CES5A: variants seen among roughly 807,000 people sequenced by gnomAD.
The protein encoded by CES5A is carboxylesterase 5.
In CES5A, 67 loss-of-function variants were observed where a neutral mutation model predicts 62.9. That is an observed-to-expected ratio of 1.07 (90% CI 0.88 to 1.31). The LOEUF (loss-of-function observed/expected upper bound fraction) is 1.31, where lower values mean the gene tolerates loss of function less well. CES5A is among the 50% of genes most tolerant of loss of function. The pLI is 0.00. For synonymous variants in CES5A, 296 were observed against 280.8 expected (o/e 1.05, Z -0.54); for missense variants, 748 against 708.5 (o/e 1.06, Z -0.63).
intron 1 of CES5A, among the ~76,000 whole-genome samples, chr16:55,890,533 G>A (rs1412008550): frequency 6.6e-6 from 1 of 151,774 alleles, no homozygotes; most frequent in Non-Finnish European, 1.5e-5. Flanking sequence ...AATGAGACCT[G>A]CATAACCTTG....
intron 1 of CES5A, among the ~76,000 whole-genome samples, chr16:55,950,371 A>AAT (rs1361983697): frequency 3.3e-5 from 5 of 152,240 alleles, no homozygotes; most frequent in Admixed American, 1.3e-4. Flanking sequence ...AATACTTTAT[A>AAT]AAAGTCTAAT....
Position 55,870,699 on chromosome 16 carries a change from A to G in CES5A, c.417+926T>C, listed in dbSNP as rs139772968. On this transcript the variant is annotated intron_variant, in intron 3 of 12. Coordinates refer to ENST00000290567, the MANE Select transcript of CES5A (RefSeq NM_001143685.2). ...GGCAACAGAGCAAGACTCTGTCCCA[A>G]AAAAAAGAGGGAAGAGTAAAATTTT... is the stretch of plus-strand genomic sequence containing the variant. Among the ~76,000 whole-genome samples the G allele has an allele frequency of 5.9e-3, 901 of 152,266 alleles. 10 individuals are homozygous for G. Among genetic ancestry groups the G allele is most frequent in the African/African-American group, 0.021 (854 of 41,552 alleles).
intron 3 of CES5A, among the ~76,000 whole-genome samples, chr16:55,871,407 A>T (rs2033581314): frequency 6.6e-6 from 1 of 152,252 alleles, no homozygotes; most frequent in East Asian, 1.9e-4. Context: ...AAAACAAAAT[A>T]AAAATTAAAA....
At chr16:55,862,906 A>G (rs1252140811) in intron 6 of CES5A, among the ~76,000 whole-genome samples, 2 of 152,220 alleles carry the variant, frequency 1.3e-5, no homozygotes, top group African/African-American at 4.8e-5. Flanking sequence ...ATATCGTGGG[A>G]TAGATGCCCC....
intron 2 of CES5A, among the ~76,000 whole-genome samples, chr16:55,933,649 C>T (rs2034336647): frequency 1.3e-5 from 2 of 152,164 alleles, no homozygotes; most frequent in South Asian, 4.2e-4. Context: ...TATGTATATA[C>T]ATATACATGA....
chr16:55,936,487 T>A (rs1001614719), intron 2 of CES5A, among the ~76,000 whole-genome samples: 1 of 152,206 alleles, frequency 6.6e-6, no homozygotes, highest in Admixed American at 6.5e-5. Context: ...GGGATCATCC[T>A]ATGGTGTATC....
At chr16:55,890,105 T>G (rs1278884038) in intron 1 of CES5A, among the ~76,000 whole-genome samples, 2 of 152,070 alleles carry the variant, frequency 1.3e-5, no homozygotes, top group African/African-American at 2.4e-5. Context: ...GTAGGAGTCT[T>G]GCAAGCACCC....
At chr16:55,913,071 C>A (rs1050678219) in intron 1 of CES5A, among the ~76,000 whole-genome samples, 2 of 152,066 alleles carry the variant, frequency 1.3e-5, no homozygotes, top group Non-Finnish European at 2.9e-5. Context: ...TGCGGGAGAC[C>A]GGAATTTTAT....
chr16:55,876,477 G>A (rs1471635016), upstream of CES5A, among the ~76,000 whole-genome samples: 1 of 152,166 alleles, frequency 6.6e-6, no homozygotes, highest in African/African-American at 2.4e-5. Context: ...CGGCCTTTCT[G>A]TACAGTGGAT....
Position 55,873,993 on chromosome 16 carries a change from T to C in CES5A, c.118A>G (p.Ile40Val). Residue 40 changes from isoleucine to valine, a missense_variant, in exon 2 of 13, where the codon ATT becomes GTT. Physicochemically the swap from Ile to Val is conservative, Grantham distance 29. Transcript: ENST00000290567. ...AGCACAGTGACTTGCTTGCCCTGAA[T>C]CCATCCCAGCCTGGTGTTCCTCTGT... ...GPQRNTRLGW[I>V]QGKQVTVLGS... The C allele has an allele frequency of 6.2e-7, 1 of 1,611,550 alleles. No individual in the cohort carries two copies.
At chr16:55,871,119 C>A (rs13330765) in intron 3 of CES5A, among the ~76,000 whole-genome samples, 3,723 of 152,250 alleles carry the variant, frequency 0.024, 162 homozygotes, top group African/African-American at 0.083. Flanking sequence ...GCCAGTTTCC[C>A]CTGGCAGAGG....
Position 55,849,540 on chromosome 16 carries a change from AC to A in CES5A, c.1423+83del, listed in dbSNP as rs2033084262. Reference sequence around the variant, plus strand: ...AAACCACAGAGGTAATTAAATGCCAACCCCGAAGTCCTCCAGGCGCTTGCAT... The same window carrying A: ...AAACCACAGAGGTAATTAAATGCCAACCCGAAGTCCTCCAGGCGCTTGCAT... On this transcript the variant is annotated intron_variant, in intron 11 of 12. Coordinates refer to ENST00000290567, the MANE Select transcript of CES5A (RefSeq NM_001143685.2). 3.2e-5 allele frequency: 47 copies of A among 1,473,218 alleles called. No individual in the cohort carries two copies. In the South Asian group the frequency reaches 4.4e-4, roughly 14 times the overall value. The allele number at this position is 1,473,218 out of a possible 1,614,324, so 91.3% of individuals were successfully genotyped here. A position where few individuals can be genotyped will look rare whatever the true frequency, so the allele number is the denominator to read the frequency against.
At chr16:55,931,695 T>C (rs2034313591) in intron 2 of CES5A, among the ~76,000 whole-genome samples, 1 of 152,162 alleles carries the variant, frequency 6.6e-6, no homozygotes, top group African/African-American at 2.4e-5. Context: ...GGAATCCCCT[T>C]ATCCAGGAAG....
chr16:55,938,118 T>C (rs1597157967), intron 2 of CES5A, among the ~76,000 whole-genome samples: 2 of 152,304 alleles, frequency 1.3e-5, no homozygotes, highest in Admixed American at 1.3e-4. Context: ...GTAGATTCCA[T>C]GGATCGAGGG....
chr16:55,929,127 C>A (rs1472514169), upstream of CES5A, among the ~76,000 whole-genome samples: 1 of 152,228 alleles, frequency 6.6e-6, no homozygotes. Context: ...GGAACCAGGG[C>A]TCACCTGGAG....
chr16:55,938,797 T>TATATATATATATATATATAC (rs1440495150), intron 2 of CES5A, among the ~76,000 whole-genome samples: 2 of 51,098 alleles, frequency 3.9e-5, no homozygotes, highest in Non-Finnish European at 7.0e-5. Flanking sequence ...TATATATATA[T>TATATATATATATATATATAC]ACACACATAT....
At chr16:55,913,466 G>C (rs1265992660) in intron 1 of CES5A, among the ~76,000 whole-genome samples, 1 of 152,152 alleles carries the variant, frequency 6.6e-6, no homozygotes, top group Admixed American at 6.5e-5. Flanking sequence ...ATCTGTAGCT[G>C]ATCTGTTAGT....
At chr16:55,853,325 T>G (rs2033168678) in intron 9 of CES5A, among the ~76,000 whole-genome samples, 2 of 152,306 alleles carry the variant, frequency 1.3e-5, no homozygotes, top group Middle Eastern at 6.8e-3. Flanking sequence ...TCAGAATGAG[T>G]CACTTCTGGG....
upstream of CES5A, among the ~76,000 whole-genome samples, chr16:55,878,279 T>G (rs942953771): frequency 6.6e-6 from 1 of 151,946 alleles, no homozygotes; most frequent in Non-Finnish European, 1.5e-5. Context: ...AAAGGAACCT[T>G]GAAGGTACAA....
Sources: allele counts gnomAD v4.1 joint callset (sites outside exome capture counted in the v4.1 genomes callset), GRCh38; gene constraint gnomAD v4.1.1; transcripts MANE v1.5; gene names NCBI Gene and HGNC (gene_info 2026-07-23, HGNC 2026-07-21).